The following ARID1B variants were observed in gnomAD, a reference collection of about 807,000 sequenced individuals.
ARID1B encodes the protein AT-rich interactive domain-containing protein 1B.
ARID1B carries 30 observed loss-of-function variants against 212.3 expected under a neutral mutation model. That is an observed-to-expected ratio of 0.14 (90% confidence interval 0.11 to 0.19). The LOEUF is 0.19. Among genes scored for constraint, ARID1B ranks in the 10% least tolerant of loss-of-function variants. ARID1B has a pLI of 1.00. For missense variants in ARID1B, 2,891 were observed against 3,204.0 expected (o/e 0.90, Z 2.36); for synonymous variants, 1,402 against 1,301.7 (o/e 1.08, Z -1.66).
chr6:157,154,773 G>A (rs1299665521), intron 8 of ARID1B, among the ~76,000 whole-genome samples: 1 of 151,886 alleles, frequency 6.6e-6, no homozygotes, highest in African/African-American at 2.4e-5. Context: ...AGTAGAGACG[G>A]GCTTTCACCA....
intron 6 of ARID1B, among the ~76,000 whole-genome samples, chr6:157,125,069 G>A (rs1308507702): frequency 6.6e-6 from 1 of 152,220 alleles, no homozygotes; most frequent in Non-Finnish European, 1.5e-5. Context: ...GGAGCACCTG[G>A]TGACTGCGTG....
chr6:157,146,727 T>TAGAC (rs1319419624), intron 7 of ARID1B, among the ~76,000 whole-genome samples: 5 of 152,260 alleles, frequency 3.3e-5, no homozygotes, highest in Non-Finnish European at 7.3e-5. Context: ...TTACGTCACC[T>TAGAC]GTGCCTAGAA....
chr6:157,210,138 C>CA lies in ARID1B; in HGVS notation c.*2248dup. ...AAACAGTCTCTCATCTGTCAACTCCCACATTACTGAGTCAAACAGTCTTCT... is the reference window on the plus strand; with the variant it reads ...AAACAGTCTCTCATCTGTCAACTCCCAACATTACTGAGTCAAACAGTCTTCT... On this transcript the variant is annotated 3_prime_UTR_variant, in exon 20 of 20. Coordinates refer to ENST00000636930, the MANE Select transcript of ARID1B (RefSeq NM_001374828.1). The CA allele has an allele frequency of 4.3e-6, 1 of 232,624 alleles. No individual in the cohort carries two copies. Among genetic ancestry groups the CA allele is most frequent in the East Asian group, 6.1e-5 (1 of 16,452 alleles). 14.4% of individuals were successfully genotyped at this position (232,624 alleles called of 1,614,324 possible).
intron 4 of ARID1B, among the ~76,000 whole-genome samples, chr6:157,032,969 C>T (rs1164474750): frequency 6.6e-6 from 1 of 152,108 alleles, no homozygotes; most frequent in Non-Finnish European, 1.5e-5. Flanking sequence ...CTTCTATGTT[C>T]GACTATACAG....
At chr6:156,844,222 G>C (rs1464635898) in intron 2 of ARID1B, among the ~76,000 whole-genome samples, 1 of 152,200 alleles carries the variant, frequency 6.6e-6, no homozygotes, top group African/African-American at 2.4e-5. Flanking sequence ...CAGGGCTGCC[G>C]CTTACAGGCT....
chr6:156,937,416 T>G (rs1241912951), intron 4 of ARID1B: 2 of 152,214 alleles, frequency 1.3e-5, no homozygotes, highest in Non-Finnish European at 2.9e-5. Flanking sequence ...CTGATGATTT[T>G]GTACTGTGAC....
intron 1 of ARID1B, among the ~76,000 whole-genome samples, chr6:156,807,499 AG>A (rs1489452446): frequency 1.3e-5 from 2 of 150,698 alleles, no homozygotes; most frequent in Non-Finnish European, 2.9e-5. Context: ...GCATTAGTAT[AG>A]TTTGATTATT....
At chr6:156,970,074 T>C (rs1776815465) in intron 4 of ARID1B, among the ~76,000 whole-genome samples, 1 of 143,630 alleles carries the variant, frequency 7.0e-6, no homozygotes, top group Admixed American at 6.9e-5. Context: ...GTTTTGTTTG[T>C]TGTTTTGTTT....
At chr6:157,169,654 T>C (rs1583443587) in intron 9 of ARID1B, 1 of 152,228 alleles carries the variant, frequency 6.6e-6, no homozygotes, top group Non-Finnish European at 1.5e-5. Context: ...TTTTACTTAT[T>C]TGTGTTGAAT....
intron 4 of ARID1B, among the ~76,000 whole-genome samples, chr6:157,044,323 C>G (rs1247762645): frequency 1.4e-5 from 2 of 143,292 alleles, no homozygotes; most frequent in Non-Finnish European, 3.1e-5. Context: ...GCCTGAGGAT[C>G]ATATTTGGCA....
intron 2 of ARID1B, among the ~76,000 whole-genome samples, chr6:156,900,967 C>CACA (rs1273470963): frequency 6.6e-6 from 1 of 152,180 alleles, no homozygotes; most frequent in African/African-American, 2.4e-5. Context: ...GCACCCAAAC[C>CACA]ACAGGCCTTC....
chr6:156,999,651 G>A (rs567611683), intron 4 of ARID1B, among the ~76,000 whole-genome samples: 1 of 152,284 alleles, frequency 6.6e-6, no homozygotes, highest in South Asian at 2.1e-4. Context: ...GTCTGGGTAC[G>A]TGAGCATGCA....
chr6:156,973,256 C>T (rs1455470046), intron 4 of ARID1B, among the ~76,000 whole-genome samples: 1 of 152,182 alleles, frequency 6.6e-6, no homozygotes, highest in Admixed American at 6.5e-5. Context: ...TCATATTGGA[C>T]AGCACAGATT....
chr6:156,894,686 A>G (rs1049423953), intron 2 of ARID1B, among the ~76,000 whole-genome samples: 1 of 152,196 alleles, frequency 6.6e-6, no homozygotes, highest in Admixed American at 6.5e-5. Context: ...GAACAAACTG[A>G]TAATGTAAGT....
chr6:157,056,041 C>T (rs1267715973), intron 4 of ARID1B, among the ~76,000 whole-genome samples: 1 of 152,082 alleles, frequency 6.6e-6, no homozygotes, highest in Non-Finnish European at 1.5e-5. Context: ...TTATTAACAC[C>T]AAAGTCAACT....
chr6:157,138,064 A>G (rs1000817492), intron 7 of ARID1B, among the ~76,000 whole-genome samples: 4 of 152,186 alleles, frequency 2.6e-5, no homozygotes, highest in African/African-American at 9.7e-5. Context: ...ATACTCTTAA[A>G]TTGTGGTTCT....
rs527836748 is a variant in ARID1B at position 157,143,645 on chromosome 6, T to A, written c.2762-4979T>A. 2.0e-5 allele frequency among the ~76,000 whole-genome samples: 3 copies of A among 152,302 alleles called. No homozygotes were observed. The East Asian group carries it at 5.8e-4, about 29-fold the overall frequency. On this transcript the variant is annotated intron_variant, in intron 7 of 19. Coordinates refer to ENST00000636930, the MANE Select transcript of ARID1B (RefSeq NM_001374828.1). ...TGACAGAACCACAGTTCAGAGAGGTTAAACCACTTGTCACGCTGCTAGGGA... is the reference window on the plus strand; with the variant it reads ...TGACAGAACCACAGTTCAGAGAGGTAAAACCACTTGTCACGCTGCTAGGGA...
At chr6:156,937,771 G>A (rs1169181965) in intron 4 of ARID1B, 2 of 152,028 alleles carry the variant, frequency 1.3e-5, no homozygotes, top group African/African-American at 4.8e-5. Flanking sequence ...TTCTATTTCT[G>A]TCTTGTTATG....
chr6:157,205,815 AGTACATT>A (rs1794402095), intron 19 of ARID1B: 1 of 209,604 alleles, frequency 4.8e-6, no homozygotes, highest in South Asian at 9.5e-5. Flanking sequence ...TCTAATAATG[AGTACATT>A]GTCTCTAAAT....
Sources: allele counts gnomAD v4.1 joint callset (sites outside exome capture counted in the v4.1 genomes callset), GRCh38; gene constraint gnomAD v4.1.1; transcripts MANE v1.5; gene names NCBI Gene and HGNC (gene_info 2026-07-23, HGNC 2026-07-21).